The following PIK3C2A variants were observed in gnomAD, a reference collection of about 807,000 sequenced individuals.
PIK3C2A encodes the protein phosphatidylinositol-4-phosphate 3-kinase catalytic subunit type 2 alpha.
In PIK3C2A, 97 loss-of-function variants were observed where a neutral mutation model predicts 204.5. The ratio of observed to expected loss-of-function variants is 0.47; its 90% CI spans 0.40 to 0.56. PIK3C2A has a LOEUF of 0.56. PIK3C2A is among the 20% of genes least tolerant of loss of function. The pLI is 0.00. For missense variants in PIK3C2A, 1,735 were observed against 1,969.2 expected (o/e 0.88, Z 2.25); for synonymous variants, 653 against 664.4 (o/e 0.98, Z 0.26).
chr11:17,113,815 C>A (rs574918642), intron 20 of PIK3C2A, among the ~76,000 whole-genome samples: 10 of 147,274 alleles, frequency 6.8e-5, no homozygotes, highest in African/African-American at 2.5e-4. Context: ...GGCATGGTGG[C>A]TCATGCCTGT....
In PIK3C2A at chr11:17,091,419, G is replaced by A. The variant is rs1245192619; in HGVS notation, c.4793C>T (p.Thr1598Ile). 2 of 1,613,816 alleles carry A rather than the reference G, an allele frequency of 1.2e-6. No homozygotes were observed. The highest frequency in any genetic ancestry group is 3.3e-5 in the Admixed American group (2 of 59,982). The change falls in exon 32 of 33, where the codon ACA becomes ATA. Residue 1598 changes from threonine to isoleucine, a missense_variant. This residue lies in a region of PIK3C2A where 503 missense variants were observed against 669.0 expected (regional missense o/e 0.75). Transcript: ENST00000691414. ...TTTGTGGTTATCTGGAAGTAGGTAT[G>A]TTTTGACATATGGATTTGGGTCAGC... ...DGADPNPYVK[T>I]YLLPDNHKTS...
At chr11:17,120,236 T>G (rs1356991393) in intron 15 of PIK3C2A, among the ~76,000 whole-genome samples, 1 of 152,060 alleles carries the variant, frequency 6.6e-6, no homozygotes, top group Non-Finnish European at 1.5e-5. Context: ...AATAAAAATT[T>G]ATTGAGCTCT....
rs1200778317 is a variant in PIK3C2A at position 17,207,858 on chromosome 11, C to G, written c.-76G>C. 4.6e-5 allele frequency: 7 copies of G among 153,064 alleles called. No individual in the cohort carries two copies. In the Admixed American group the frequency reaches 4.6e-4, roughly 10 times the overall value. 9.5% of individuals were successfully genotyped at this position (153,064 alleles called of 1,614,324 possible). ...CCGACCGCTCCTCACCTCAAGCTGC[C>G]TGAGCCTCCGCCTCTACCACAACCT... On this transcript the variant is annotated 5_prime_UTR_variant, in exon 1 of 33. Coordinates refer to ENST00000691414, the MANE Select transcript of PIK3C2A (RefSeq NM_002645.4).
At chr11:17,125,940 A>G (rs1211086783) in intron 13 of PIK3C2A, among the ~76,000 whole-genome samples, 5 of 152,076 alleles carry the variant, frequency 3.3e-5, no homozygotes, top group African/African-American at 7.2e-5. Context: ...CCTGGCCAAC[A>G]TTGCAAAACC....
rs758108148 is a variant in PIK3C2A at position 17,102,731 on chromosome 11, G to A, written c.3782C>T (p.Thr1261Met). 10 of 1,613,462 alleles carry A rather than the reference G, an allele frequency of 6.2e-6. No individual in the cohort carries two copies. Among genetic ancestry groups the A allele is most frequent in the East Asian group, 2.2e-5 (1 of 44,856 alleles). Residue 1261 changes from threonine (T) to methionine (M), a missense_variant, in exon 24 of 33, where the codon ACG (threonine) becomes ATG (methionine). Physicochemically the swap from Thr to Met is moderately conservative, Grantham distance 81. Around this residue, in one of 6 missense-constraint regions of PIK3C2A, gnomAD observed 503 missense variants for 669.0 expected, o/e 0.75. Transcript: ENST00000691414. ...RHNDNIMLRS[T>M]GHMFHIDFGK... ...AAAGTCAATGTGAAACATGTGTCCCGTGCTTCGAAGCATTATATTGTCATT... is the reference window on the plus strand; with the variant it reads ...AAAGTCAATGTGAAACATGTGTCCCATGCTTCGAAGCATTATATTGTCATT...
chr11:17,112,597 C>T lies in PIK3C2A; in HGVS notation c.3391G>A (p.Glu1131Lys). ...ACCTTAAACATGACATTAATTTCTT[C>T]TCCCATAGGGTCAGCATTCACCATT... Reference protein sequence around the residue: ...VTMVNADPMGEEINVMFKVGE... With the variant: ...VTMVNADPMGKEINVMFKVGE... Residue 1131 changes from glutamate to lysine, a missense_variant, in exon 21 of 33, where the codon GAA becomes AAA. Around this residue, in one of 6 missense-constraint regions of PIK3C2A, gnomAD observed 567 missense variants for 576.0 expected, o/e 0.98. Transcript: ENST00000691414. 2 of 1,532,950 alleles carry T rather than the reference C, an allele frequency of 1.3e-6. No homozygotes were observed. The highest frequency in any genetic ancestry group is 8.9e-7 in the Non-Finnish European group (1 of 1,127,780). 95.0% of individuals were successfully genotyped at this position (1,532,950 alleles called of 1,614,324 possible).
chr11:17,100,003 AT>A, intron 25 of PIK3C2A, 34 bp from the exon 26 acceptor site: 1 of 1,030,522 alleles, frequency 9.7e-7, no homozygotes, highest in Non-Finnish European at 1.5e-6. Flanking sequence ...TGTGAGTTAA[AT>A]TTTTTAAAAC....
chr11:17,114,360 C>A lies in PIK3C2A; in HGVS notation c.3321+1G>T. ...GAACTTATAAGTATTTTATGTGTCA[C>A]CTTAATATTTAATTCTTTTGCCACT... is the stretch of plus-strand genomic sequence containing the variant. On this transcript the variant is annotated splice_donor_variant, in intron 20 of 32. Coordinates refer to ENST00000691414, the MANE Select transcript of PIK3C2A (RefSeq NM_002645.4). LOFTEE classifies it high-confidence loss of function. 1 of 1,397,416 alleles carries A rather than the reference C, an allele frequency of 7.2e-7. No homozygotes were observed. Among genetic ancestry groups the A allele is most frequent in the Non-Finnish European group, 1.0e-6 (1 of 983,086 alleles). 86.6% of individuals were successfully genotyped at this position (1,397,416 alleles called of 1,614,324 possible).
At position 17,086,783 on chromosome 11, in the gene PIK3C2A, T is replaced by C. The variant is rs1351242021; in HGVS notation, c.*2955A>G. 6.6e-6 allele frequency: 1 copy of C among 152,204 alleles called. No homozygotes were observed. Among genetic ancestry groups the C allele is most frequent in the Non-Finnish European group, 1.5e-5 (1 of 68,020 alleles). The allele number at this position is 152,204 out of a possible 1,614,324, so 9.4% of individuals were successfully genotyped here. A position where few individuals can be genotyped will look rare whatever the true frequency, so the allele number is the denominator to read the frequency against. On this transcript the variant is annotated 3_prime_UTR_variant, in exon 33 of 33. Transcript: ENST00000691414. ...GTCAAACAACATGGAAATGAATGTA[T>C]GGATTATGATAGTGGGGGTTCAGTC...
intron 1 of PIK3C2A, among the ~76,000 whole-genome samples, chr11:17,190,892 A>T (rs1170836174): frequency 1.3e-5 from 2 of 152,116 alleles, no homozygotes; most frequent in Non-Finnish European, 2.9e-5. Flanking sequence ...TCCAAGAAGG[A>T]GAGTAGAGAG....
Position 17,089,936 on chromosome 11 carries a change from A to G in PIK3C2A, c.4879-16T>C. 1 of 1,514,156 alleles carries G rather than the reference A, an allele frequency of 6.6e-7. No homozygotes were observed. Among genetic ancestry groups the G allele is most frequent in the African/African-American group, 1.4e-5 (1 of 71,494 alleles). 93.8% of individuals were successfully genotyped at this position (1,514,156 alleles called of 1,614,324 possible). On this transcript the variant is annotated splice_polypyrimidine_tract_variant and intron_variant, in intron 32 of 32. Transcript: ENST00000691414. Reference sequence around the variant, plus strand: ...TGTATACAAGCTACAACAAAGGAAAAAAGAACAGTAAATCACAAATTAAAG... The same window carrying G: ...TGTATACAAGCTACAACAAAGGAAAGAAGAACAGTAAATCACAAATTAAAG...
At chr11:17,115,999 A>G (rs952867110) in intron 19 of PIK3C2A, among the ~76,000 whole-genome samples, 3 of 152,228 alleles carry the variant, frequency 2.0e-5, no homozygotes, top group Admixed American at 6.5e-5. Flanking sequence ...ATTCTTAGAT[A>G]TGACACTAAA....
chr11:17,203,942 C>T (rs925928615), intron 1 of PIK3C2A, among the ~76,000 whole-genome samples: 1 of 152,072 alleles, frequency 6.6e-6, no homozygotes, highest in Non-Finnish European at 1.5e-5. Context: ...GGCGTGGTGG[C>T]GGGCGCCTGT....
At position 17,089,766 on chromosome 11, in the gene PIK3C2A, T is replaced by C. The variant is rs1265041141; in HGVS notation, c.5033A>G (p.Tyr1678Cys). The C allele has an allele frequency of 1.2e-6, 2 of 1,613,786 alleles. No homozygotes were observed. The highest frequency in any genetic ancestry group is 2.2e-5 in the East Asian group (1 of 44,872). Residue 1678 changes from tyrosine (Y) to cysteine (C), a missense_variant, in exon 33 of 33, where the codon TAT becomes TGT. Physicochemically the swap from Tyr to Cys is radical, Grantham distance 194 (BLOSUM62 -2). Transcript: ENST00000691414. ...FNLSKETVKW[Y>C]QLTAATYL ...CAAGTATGTTGCCGCAGTCAGCTGA[T>C]ACCATTTAACCGTCTCTTTGCTCAA... is the stretch of plus-strand genomic sequence containing the variant.
Position 17,110,514 on chromosome 11 carries a change from C to T in PIK3C2A, c.3462G>A (p.Lys1154=). ...RQDMLALQMI[K]IMDKIWLKEG... The stretch of plus-strand genomic sequence containing the variant: ...CTTTAAGCCAGATCTTATCCATAAT[C>T]TTTATCATCTGTAAAGCTAACATAT... Residue 1154 remains lysine, a synonymous_variant, in exon 22 of 33, where the codon AAG becomes AAA. Transcript: ENST00000691414. The T allele has an allele frequency of 6.2e-7, 1 of 1,610,642 alleles. No individual in the cohort carries two copies. The highest frequency in any genetic ancestry group is 8.5e-7 in the Non-Finnish European group (1 of 1,177,312).
intron 8 of PIK3C2A, among the ~76,000 whole-genome samples, chr11:17,145,069 C>T (rs192594231): frequency 6.8e-4 from 103 of 152,196 alleles, no homozygotes; most frequent in African/African-American, 2.4e-3. Context: ...AACTAACTTG[C>T]TTTTGATTTT....
At chr11:17,191,978 A>G (rs1851960805) in intron 1 of PIK3C2A, among the ~76,000 whole-genome samples, 2 of 151,596 alleles carry the variant, frequency 1.3e-5, no homozygotes, top group Admixed American at 1.3e-4. Context: ...ACTAAAAAAA[A>G]AAAAAAAAAA....
In PIK3C2A at chr11:17,142,961, A is replaced by AT. The variant is rs74989804; in HGVS notation, c.1704+2706dup. ...TCCTGCGGCAGGGGGCGGGGTGGGG[A>AT]TTTTTTTTTTTTTAAGATGGGCAAC... On this transcript the variant is annotated intron_variant, in intron 8 of 32. Transcript: ENST00000691414. 1.8e-3 allele frequency among the ~76,000 whole-genome samples: 257 copies of AT among 142,256 alleles called. 3 individuals are homozygous for AT. In the South Asian group the frequency reaches 0.018, roughly 10 times the overall value. The allele number at this position is 142,256 out of a possible 152,430, so 93.3% of individuals were successfully genotyped here.
At position 17,169,300 on chromosome 11, in the gene PIK3C2A, C is replaced by T; in HGVS notation, c.442G>A (p.Gly148Arg). 7 of 1,614,112 alleles carry T rather than the reference C, an allele frequency of 4.3e-6. No homozygotes were observed. The highest frequency in any genetic ancestry group is 5.1e-6 in the Non-Finnish European group (6 of 1,179,988). The change falls in exon 2 of 33, where the codon GGG becomes AGG. Residue 148 changes from glycine to arginine, a missense_variant. By Grantham distance (125) the Gly-to-Arg change is moderately radical. Transcript: ENST00000691414. Reference protein sequence around the residue: ...QRGQWPPGLPGPSTYALPSIY... With the variant: ...QRGQWPPGLPRPSTYALPSIY... ...GAAGGTAAAGCATAAGTGGAAGGCC[C>T]AGGTAATCCAGGTGGCCACTGTCCT...
Sources: allele counts gnomAD v4.1 joint callset (sites outside exome capture counted in the v4.1 genomes callset), GRCh38; gene constraint gnomAD v4.1.1; regional missense constraint gnomAD v4.1.1; transcripts MANE v1.5; gene names NCBI Gene and HGNC (gene_info 2026-07-23, HGNC 2026-07-21).